Variants in DPM1 observed in about 807,000 individuals in gnomAD.
The protein encoded by DPM1 is dolichol-phosphate mannosyltransferase subunit 1.
In DPM1, 27 loss-of-function variants were observed where a neutral mutation model predicts 39.0. The observed-to-expected ratio is 0.69, with a 90% CI of 0.51 to 0.95. DPM1 has a LOEUF of 0.95. Among genes scored for constraint, DPM1 ranks in the 40% least tolerant of loss-of-function variants. The pLI is 0.00. For missense variants in DPM1, 307 were observed against 315.6 expected, an observed-to-expected ratio of 0.97 and a Z score of 0.21; for synonymous variants, 124 against 109.0, an observed-to-expected ratio of 1.14 and a Z score of -0.86.
At chr20:50,955,809 C>A (rs1241335255) in intron 1 of DPM1, among the ~76,000 whole-genome samples, 2 of 152,164 alleles carry the variant, frequency 1.3e-5, no homozygotes, top group Admixed American at 6.5e-5. Context: ...GTGATCTGCC[C>A]GCCTCAGCCT....
At chr20:50,953,569 G>T (rs1377195823) in intron 2 of DPM1, among the ~76,000 whole-genome samples, 1 of 152,028 alleles carries the variant, frequency 6.6e-6, no homozygotes, top group Non-Finnish European at 1.5e-5. Flanking sequence ...GAATGAATAA[G>T]GAATTTTATC....
intron 7 of DPM1, among the ~76,000 whole-genome samples, chr20:50,939,041 T>C (rs1028303184): frequency 6.6e-6 from 1 of 152,154 alleles, no homozygotes; most frequent in African/African-American, 2.4e-5. Flanking sequence ...TTGGCTGCTC[T>C]GTCATTTATA....
chr20:50,942,897 G>C (rs549050404), intron 5 of DPM1, among the ~76,000 whole-genome samples: 1 of 152,304 alleles, frequency 6.6e-6, no homozygotes, highest in South Asian at 2.1e-4. Flanking sequence ...ATATCATGGG[G>C]TCAGATGTGG....
chr20:50,947,655 T>C (rs1986365219), intron 3 of DPM1, among the ~76,000 whole-genome samples: 1 of 152,216 alleles, frequency 6.6e-6, no homozygotes, highest in African/African-American at 2.4e-5. Flanking sequence ...AAATAAAGAA[T>C]AACTGTTTTT....
At chr20:50,956,914 GAA>G (rs1445851717) in intron 1 of DPM1, among the ~76,000 whole-genome samples, 3 of 152,094 alleles carry the variant, frequency 2.0e-5, no homozygotes, top group African/African-American at 7.2e-5. Context: ...GATTGCATCT[GAA>G]AAGTTTTGTT....
chr20:50,940,206 A>G (rs1426540500), intron 7 of DPM1, among the ~76,000 whole-genome samples: 1 of 152,020 alleles, frequency 6.6e-6, no homozygotes, highest in Non-Finnish European at 1.5e-5. Context: ...GGAAAAAAGT[A>G]TCAACTAGTA....
At chr20:50,935,557 T>A (rs1985075579) in intron 8 of DPM1, among the ~76,000 whole-genome samples, 1 of 152,244 alleles carries the variant, frequency 6.6e-6, no homozygotes, top group African/African-American at 2.4e-5. Context: ...AATGGCCTTG[T>A]GCGTAGATTT....
chr20:50,948,619 C>T lies in DPM1; in HGVS notation c.295+10G>A. On this transcript the variant is annotated intron_variant, in intron 3 of 8. Transcript: ENST00000371588. ...AGCAGGTGTGAGGGGTTAGAGATTA[C>T]ACGACTTACCTAGTCCCAACTTTTT... The T allele has an allele frequency of 6.2e-7, 1 of 1,613,676 alleles. No homozygotes were observed. Among genetic ancestry groups the T allele is most frequent in the Non-Finnish European group, 8.5e-7 (1 of 1,179,590 alleles).
At chr20:50,941,941 C>G in intron 6 of DPM1, 90 bp downstream of exon 6, 1 of 1,129,698 alleles carries the variant, frequency 8.9e-7, no homozygotes, top group Non-Finnish European at 1.3e-6. Context: ...TCCCACAAAT[C>G]CCGGGCAGCA....
At chr20:50,952,814 T>A (rs1332984885) in intron 2 of DPM1, among the ~76,000 whole-genome samples, 1 of 152,240 alleles carries the variant, frequency 6.6e-6, no homozygotes, top group East Asian at 1.9e-4. Flanking sequence ...AGTAAGTTTT[T>A]AAAATACTAA....
chr20:50,955,511 C>T (rs1209092806), intron 1 of DPM1, among the ~76,000 whole-genome samples: 1 of 152,162 alleles, frequency 6.6e-6, no homozygotes, highest in Non-Finnish European at 1.5e-5. Flanking sequence ...TTAAAGAATT[C>T]CTACACAGAG....
Position 50,942,073 on chromosome 20 carries a change from T to C in DPM1, c.452A>G (p.Asn151Ser). 6.2e-7 allele frequency: 1 copy of C among 1,614,208 alleles called. No homozygotes were observed. The highest frequency in any genetic ancestry group is 8.5e-7 in the Non-Finnish European group (1 of 1,180,012). Residue 151 changes from asparagine to serine, a missense_variant, in exon 6 of 9, where the codon AAT (asparagine) becomes AGT (serine). Physicochemically the swap from Asn to Ser is conservative, Grantham distance 46. This residue lies in a region of DPM1 where 206 missense variants were observed against 188.2 expected (regional missense o/e 1.09). Coordinates refer to ENST00000371588, the MANE Select transcript of DPM1 (RefSeq NM_003859.3). ...CAAATCCCAGCCATATACACCTCCATTTCCTTTGTAGCGAGTTCCAGAGAC... is the reference window on the plus strand; with the variant it reads ...CAAATCCCAGCCATATACACCTCCACTTCCTTTGTAGCGAGTTCCAGAGAC... ...DIVSGTRYKG[N>S]GGVYGWDLKR...
chr20:50,942,434 G>A (rs955762331), intron 5 of DPM1, among the ~76,000 whole-genome samples: 5 of 151,936 alleles, frequency 3.3e-5, no homozygotes, highest in Non-Finnish European at 5.9e-5. Context: ...GAACCCAGGA[G>A]GCAGGTTGCA....
rs1218053204 is a variant in DPM1, at chr20:50,938,691, T to A, written c.563+2174A>T. 4.9e-5 allele frequency among the ~76,000 whole-genome samples: 7 copies of A among 144,050 alleles called. No homozygotes were observed. The East Asian group carries it at 1.5e-3, about 31-fold the overall frequency. The allele number at this position is 144,050 out of a possible 152,430, so 94.5% of individuals were successfully genotyped here. On this transcript the variant is annotated intron_variant, in intron 7 of 8. Coordinates refer to ENST00000371588, the MANE Select transcript of DPM1 (RefSeq NM_003859.3). ...CACCGCGCCCAGCCTATTTAAAAAATTTTTTGGGCTGGGTGCAGTGGCTCA... is the reference window on the plus strand; with the variant it reads ...CACCGCGCCCAGCCTATTTAAAAAAATTTTTGGGCTGGGTGCAGTGGCTCA...
At chr20:50,943,998 C>G (rs1057292261) in intron 5 of DPM1, among the ~76,000 whole-genome samples, 1 of 152,208 alleles carries the variant, frequency 6.6e-6, no homozygotes, top group African/African-American at 2.4e-5. Flanking sequence ...CCTCGGCCCC[C>G]CAAAGTGCTG....
At chr20:50,943,186 A>C (rs1986003404) in intron 5 of DPM1, among the ~76,000 whole-genome samples, 1 of 152,088 alleles carries the variant, frequency 6.6e-6, no homozygotes, top group African/African-American at 2.4e-5. Flanking sequence ...AAACAAAAAC[A>C]ATGCAAATCA....
intron 8 of DPM1, 116 bp downstream of exon 8, chr20:50,936,032 C>G (rs1236993177): frequency 4.1e-6 from 3 of 733,938 alleles, no homozygotes; most frequent in Non-Finnish European, 7.3e-6. Context: ...TTCTAAACAA[C>G]TAGAAGACCT....
At chr20:50,937,318 T>G (rs756143255) in intron 7 of DPM1, among the ~76,000 whole-genome samples, 1 of 152,184 alleles carries the variant, frequency 6.6e-6, no homozygotes, top group African/African-American at 2.4e-5. Context: ...GCTTAGTGTG[T>G]GCAATCCTTT....
At chr20:50,942,354 A>T (rs1277820200) in intron 5 of DPM1, among the ~76,000 whole-genome samples, 24 of 152,122 alleles carry the variant, frequency 1.6e-4, no homozygotes, top group Admixed American at 1.6e-3. Context: ...AAAAATATAA[A>T]AATTAGCCTG....
Sources: gnomAD v4.1 joint callset for allele counts (sites outside exome capture counted in the v4.1 genomes callset) on GRCh38, gnomAD v4.1.1 for gene constraint, gnomAD v4.1.1 regional missense constraint, MANE v1.5 for transcripts, NCBI Gene and HGNC (gene_info 2026-07-23, HGNC 2026-07-21) for gene names.